Variants in PPP2R2C observed in about 807,000 individuals in gnomAD.
PPP2R2C encodes protein phosphatase 2, regulatory subunit B, gamma.
In PPP2R2C, 10 loss-of-function variants were observed where a neutral mutation model predicts 45.3. That is an observed-to-expected ratio of 0.22 (90% CI 0.14 to 0.37). The LOEUF (loss-of-function observed/expected upper bound fraction) is 0.37, where lower values mean the gene tolerates loss of function less well. Ranked by LOEUF, PPP2R2C falls within the 10% of genes least tolerant of loss-of-function variation. The probability of loss-of-function intolerance (pLI) is 1.00; values close to 1 mark genes in which losing one functional copy is unlikely to be tolerated. For missense variants in PPP2R2C, 308 were observed against 619.7 expected, an observed-to-expected ratio of 0.50 and a Z score of 5.34; for synonymous variants, 257 against 245.4, an observed-to-expected ratio of 1.05 and a Z score of -0.44.
At chr4:6,323,959 T>G (rs1258976546) in intron 8 of PPP2R2C, among the ~76,000 whole-genome samples, 1 of 151,540 alleles carries the variant, frequency 6.6e-6, no homozygotes, top group Non-Finnish European at 1.5e-5. Flanking sequence ...AACAAACAAA[T>G]GAAAAAGCAA....
chr4:6,398,357 G>C (rs1307185474), intron 1 of PPP2R2C, among the ~76,000 whole-genome samples: 2 of 152,132 alleles, frequency 1.3e-5, no homozygotes, highest in African/African-American at 2.4e-5. Context: ...CATGTATCTA[G>C]TAAACCTCTT....
intron 5 of PPP2R2C, among the ~76,000 whole-genome samples, chr4:6,362,247 A>G (rs532917964): frequency 8.7e-4 from 133 of 152,186 alleles, no homozygotes; most frequent in Non-Finnish European, 9.4e-4. Context: ...AGTATGAGCT[A>G]TGAGGGTGGA....
intron 1 of PPP2R2C, among the ~76,000 whole-genome samples, chr4:6,396,739 T>G (rs950100822): frequency 7.2e-5 from 11 of 152,250 alleles, no homozygotes; most frequent in Non-Finnish European, 1.2e-4. Flanking sequence ...GCCAGGGGTT[T>G]GCCAGTGCAG....
chr4:6,410,473 G>A (rs1055069271), intron 1 of PPP2R2C, among the ~76,000 whole-genome samples: 2 of 152,182 alleles, frequency 1.3e-5, no homozygotes. Flanking sequence ...CCACCAGCTA[G>A]TGAGGTCTGG....
At chr4:6,555,028 A>G (rs934862227) in intron 1 of PPP2R2C, among the ~76,000 whole-genome samples, 4 of 152,152 alleles carry the variant, frequency 2.6e-5, no homozygotes, top group African/African-American at 9.7e-5. Flanking sequence ...ATTGCTCACA[A>G]TTCTGGAGGC....
intron 1 of PPP2R2C, among the ~76,000 whole-genome samples, chr4:6,464,284 G>A (rs1189877872): frequency 1.3e-5 from 2 of 152,308 alleles, no homozygotes; most frequent in East Asian, 3.9e-4. Context: ...GGATCATTCT[G>A]CTCAAGGGCT....
intron 2 of PPP2R2C, among the ~76,000 whole-genome samples, chr4:6,503,330 C>T (rs1285289187): frequency 3.9e-5 from 6 of 152,206 alleles, no homozygotes; most frequent in African/African-American, 1.4e-4. Context: ...TCAGCCACCA[C>T]CCTGGAGTCC....
At chr4:6,428,356 G>A (rs1055020083) in intron 1 of PPP2R2C, among the ~76,000 whole-genome samples, 1 of 152,214 alleles carries the variant, frequency 6.6e-6, no homozygotes, top group Non-Finnish European at 1.5e-5. Flanking sequence ...CAAGAAGCCA[G>A]GGCAGGGCAA....
chr4:6,467,896 G>T (rs886640620), intron 1 of PPP2R2C, among the ~76,000 whole-genome samples: 1 of 152,120 alleles, frequency 6.6e-6, no homozygotes, highest in African/African-American at 2.4e-5. Context: ...CCACCACAAG[G>T]TTTCCCTGTT....
At position 6,510,890 on chromosome 4, in the gene PPP2R2C, T is replaced by C. The variant is rs148974106; in HGVS notation, c.49+24381A>G. ...TACTCAGGAGGCTGAGGTAGGAGAA[T>C]TGCTGGAACCCGGGAGGCAAAGGTT... On this transcript the variant is annotated intron_variant, in intron 2 of 9. Transcript: ENST00000506140. 2.1e-3 allele frequency among the ~76,000 whole-genome samples: 315 copies of C among 151,354 alleles called. No homozygotes were observed. The Middle Eastern group carries it at 0.024, about 12-fold the overall frequency.
chr4:6,411,368 C>T (rs545150273), intron 1 of PPP2R2C, among the ~76,000 whole-genome samples: 68 of 152,018 alleles, frequency 4.5e-4, no homozygotes, highest in Non-Finnish European at 9.1e-4. Context: ...GAGCTGATGG[C>T]GTGACGCTCC....
intron 5 of PPP2R2C, among the ~76,000 whole-genome samples, chr4:6,351,926 C>T (rs1244830547): frequency 1.3e-5 from 2 of 152,314 alleles, no homozygotes; most frequent in South Asian, 4.1e-4. Context: ...CAGCCCTTTA[C>T]AAAAGGAATT....
rs1721864507 is a variant in PPP2R2C at position 6,471,242 on chromosome 4, G to C, written c.70+918C>G. Among the ~76,000 whole-genome samples, 1 of 152,052 alleles carries C rather than the reference G, an allele frequency of 6.6e-6. No individual in the cohort carries two copies. Among genetic ancestry groups the C allele is most frequent in the Non-Finnish European group, 1.5e-5 (1 of 67,988 alleles). ...TTAGCGGCTGACAGTCCCCGCACTCGGGCAGGGCTCCAGCACAGGCGGCCC... is the reference window on the plus strand; with the variant it reads ...TTAGCGGCTGACAGTCCCCGCACTCCGGCAGGGCTCCAGCACAGGCGGCCC... On this transcript the variant is annotated intron_variant, in intron 1 of 8. Transcript: ENST00000382599. The surrounding 1 kb of genome is among the most constrained non-coding windows in gnomAD (Gnocchi z 5.6).
chr4:6,420,162 A>T (rs566974545), intron 1 of PPP2R2C, among the ~76,000 whole-genome samples: 1 of 152,286 alleles, frequency 6.6e-6, no homozygotes, highest in East Asian at 1.9e-4. Context: ...ACACACTCAC[A>T]CACATACAAC....
At chr4:6,360,485 C>T (rs373835010) in intron 5 of PPP2R2C, among the ~76,000 whole-genome samples, 7 of 152,284 alleles carry the variant, frequency 4.6e-5, no homozygotes, top group African/African-American at 1.7e-4. Context: ...TCGGCAGGAG[C>T]CTGCTCTCAG....
At chr4:6,352,820 T>TGTGA (rs1712693465) in intron 5 of PPP2R2C, among the ~76,000 whole-genome samples, 1 of 152,096 alleles carries the variant, frequency 6.6e-6, no homozygotes, top group Non-Finnish European at 1.5e-5. Flanking sequence ...GACTGTGGAG[T>TGTGA]GTGATCTCAT....
At position 6,481,407 on chromosome 4, in the gene PPP2R2C, A is replaced by G. The variant is rs553753772; in HGVS notation, c.49+53864T>C. On this transcript the variant is annotated intron_variant, in intron 2 of 9. Transcript: ENST00000506140. ...AAATAATATCCAAATCATTCATTGA[A>G]TAGTCCATCCTTTTCCCACTGATTT... Among the ~76,000 whole-genome samples the G allele has an allele frequency of 1.6e-4, 24 of 152,350 alleles. No individual in the cohort carries two copies. In the South Asian group the frequency reaches 4.1e-3, roughly 26 times the overall value.
At chr4:6,529,546 C>T (rs894080374) in intron 2 of PPP2R2C, among the ~76,000 whole-genome samples, 1 of 152,230 alleles carries the variant, frequency 6.6e-6, no homozygotes, top group Non-Finnish European at 1.5e-5. Flanking sequence ...TGAAGCTCAG[C>T]CCTGTGCCCC....
intron 6 of PPP2R2C, among the ~76,000 whole-genome samples, chr4:6,340,659 C>T (rs1733375358): frequency 6.6e-6 from 1 of 152,242 alleles, no homozygotes; most frequent in African/African-American, 2.4e-5. Context: ...CCTGCGTGAA[C>T]ACGCTAGCCC....
Sources: gnomAD v4.1 joint callset for allele counts (sites outside exome capture counted in the v4.1 genomes callset) on GRCh38, gnomAD v4.1.1 for gene constraint, Gnocchi (gnomAD v3.1) non-coding constraint, MANE v1.5 for transcripts, NCBI Gene and HGNC (gene_info 2026-07-23, HGNC 2026-07-21) for gene names.